The following SLC61A1 variants were observed in gnomAD, a reference collection of about 807,000 sequenced individuals.
SLC61A1 encodes solute carrier family 61 member 1.
chr12:53,253,530 T>C, the SLC61A1 span: 1 of 1,614,174 alleles, frequency 6.2e-7, no homozygotes, highest in East Asian at 2.2e-5. Context: ...CAGCGTGCCT[T>C]CTCAAGGACC....
At chr12:53,251,351 T>TTA in the SLC61A1 span, 1 of 201,702 alleles carries the variant, frequency 5.0e-6, no homozygotes, top group South Asian at 8.5e-5. Context: ...TTGTAGGCCA[T>TTA]TATAAATACT....
the SLC61A1 span, chr12:53,252,437 G>A: frequency 2.3e-6 from 3 of 1,293,822 alleles, no homozygotes; most frequent in African/African-American, 1.5e-5. Context: ...CCGGGACAGA[G>A]GATGAGACAC....
At chr12:53,252,390 A>G in the SLC61A1 span, 1 of 1,306,060 alleles carries the variant, frequency 7.7e-7, no homozygotes, top group Non-Finnish European at 9.7e-7. Flanking sequence ...CATGACCCTG[A>G]AGCAACTCGA....
the SLC61A1 span, chr12:53,254,007 T>A: frequency 6.2e-7 from 1 of 1,614,186 alleles, no homozygotes. Context: ...CTGGCTTGCC[T>A]AGGGCTCCTT....
the SLC61A1 span, chr12:53,253,284 C>T: frequency 6.2e-7 from 1 of 1,614,236 alleles, no homozygotes; most frequent in Admixed American, 1.7e-5. Flanking sequence ...GCCTTCGAGG[C>T]CTGGTATATC....
chr12:53,252,132 C>G, the SLC61A1 span: 2 of 1,440,620 alleles, frequency 1.4e-6, no homozygotes, highest in South Asian at 1.5e-5. Context: ...CAGAGGCCTG[C>G]CCGGCTCCCG....
At chr12:53,252,112 T>A in the SLC61A1 span, 1 of 1,448,812 alleles carries the variant, frequency 6.9e-7, no homozygotes. Flanking sequence ...GAAGCCATCA[T>A]GGCGGCGGCC....
chr12:53,254,080 CATG>C, the SLC61A1 span: 1 of 1,614,176 alleles, frequency 6.2e-7, no homozygotes, highest in Non-Finnish European at 8.5e-7. Context: ...GCTCTGCTGT[CATG>C]GTGATGGCTC....
At chr12:53,253,351 T>C in the SLC61A1 span, 6 of 1,614,142 alleles carry the variant, frequency 3.7e-6, no homozygotes, top group African/African-American at 5.3e-5. Context: ...CTACCTTTGC[T>C]CGAGCTGCCT....
At chr12:53,252,569 C>T in the SLC61A1 span, 3 of 1,361,292 alleles carry the variant, frequency 2.2e-6, no homozygotes, top group Non-Finnish European at 9.6e-7. Flanking sequence ...ACTCCCTCTT[C>T]ACAGGCAAGG....
the SLC61A1 span, chr12:53,253,505 G>A: frequency 6.2e-7 from 1 of 1,614,212 alleles, no homozygotes. Flanking sequence ...AAACTGGGGG[G>A]AGAACTATGA....
At chr12:53,252,130 T>C in the SLC61A1 span, 3 of 1,440,996 alleles carry the variant, frequency 2.1e-6, no homozygotes, top group Non-Finnish European at 2.7e-6. Context: ...GCCAGAGGCC[T>C]GCCCGGCTCC....
chr12:53,253,569 C>G, the SLC61A1 span: 1 of 1,613,984 alleles, frequency 6.2e-7, no homozygotes, highest in Non-Finnish European at 8.5e-7. Context: ...TGCCTCCTGT[C>G]GGACCGCCGC....
At chr12:53,253,966 A>G in the SLC61A1 span, 115 of 1,613,978 alleles carry the variant, frequency 7.1e-5, no homozygotes, top group Non-Finnish European at 9.5e-5. Flanking sequence ...AGGCTGGTGT[A>G]CTCAACTGGT....
At chr12:53,251,772 G>C in the SLC61A1 span, 4 of 1,537,240 alleles carry the variant, frequency 2.6e-6, no homozygotes, top group Non-Finnish European at 3.5e-6. Flanking sequence ...AAACCAAGGA[G>C]ACCTTCTCGG....
At chr12:53,252,078 G>GGCGCC in the SLC61A1 span, 1 of 1,463,600 alleles carries the variant, frequency 6.8e-7, no homozygotes, top group Non-Finnish European at 9.0e-7. Flanking sequence ...GCGGGGTTTT[G>GGCGCC]GCGCCGCGCC....
At chr12:53,254,037 G>A in the SLC61A1 span, 4 of 1,614,164 alleles carry the variant, frequency 2.5e-6, no homozygotes, top group South Asian at 3.3e-5. Context: ...GACAGTGATC[G>A]AAAAACAGGC....
At chr12:53,253,200 A>G in the SLC61A1 span, 2 of 1,614,164 alleles carry the variant, frequency 1.2e-6, no homozygotes, top group East Asian at 4.5e-5. Context: ...TGCTTAACCA[A>G]ACTCTCTCAA....
chr12:53,253,561 C>A, the SLC61A1 span: 1 of 1,614,060 alleles, frequency 6.2e-7, no homozygotes. Context: ...GCCTGCGCTG[C>A]CTCCTGTCGG....
Sources: gnomAD v4.1 joint callset for allele counts on GRCh38, gnomAD v4.1.1 for gene constraint, MANE v1.5 for transcripts, NCBI Gene and HGNC (gene_info 2026-07-23, HGNC 2026-07-21) for gene names.